GALNT17: variants seen among roughly 807,000 people sequenced by gnomAD.
GALNT17 encodes the protein UDP-GalNAc:polypeptide N-acetylgalactosaminyltransferase-like 3.
A neutral mutation model predicts 63.7 loss-of-function variants in GALNT17; 29 were observed. The ratio of observed to expected loss-of-function variants is 0.46; its 90% CI spans 0.34 to 0.62. The LOEUF (loss-of-function observed/expected upper bound fraction) is 0.62, where lower values mean the gene tolerates loss of function less well. Among genes scored for constraint, GALNT17 ranks in the 20% least tolerant of loss-of-function variants. The probability of loss-of-function intolerance (pLI) is 0.01; values close to 1 mark genes in which losing one functional copy is unlikely to be tolerated. For synonymous variants in GALNT17, 305 were observed against 318.3 expected (o/e 0.96, Z 0.45); for missense variants, 603 against 799.6 (o/e 0.75, Z 2.97).
At chr7:71,450,259 G>A (rs1318998324) in intron 5 of GALNT17, among the ~76,000 whole-genome samples, 1 of 150,978 alleles carries the variant, frequency 6.6e-6, no homozygotes, top group Admixed American at 6.6e-5. Flanking sequence ...CCTCAGCCTC[G>A]CGAGTAGTGG....
chr7:71,449,329 C>T (rs1402471579), intron 5 of GALNT17, among the ~76,000 whole-genome samples: 2 of 151,854 alleles, frequency 1.3e-5, no homozygotes, highest in African/African-American at 4.8e-5. Context: ...GTGTTGAACT[C>T]CTGACATCAA....
At chr7:71,195,315 A>G (rs77413167) in intron 1 of GALNT17, among the ~76,000 whole-genome samples, 3,071 of 152,216 alleles carry the variant, frequency 0.02, 35 homozygotes, top group Middle Eastern at 0.041. Context: ...TCCTGGCCTC[A>G]GGAGATCTTT....
At chr7:71,617,441 C>G (rs1399354417) in intron 6 of GALNT17, among the ~76,000 whole-genome samples, 1 of 151,642 alleles carries the variant, frequency 6.6e-6, no homozygotes, top group African/African-American at 2.4e-5. Flanking sequence ...CCTGCCTCAG[C>G]CTCCCGAGTA....
rs192606704 is a variant in GALNT17, at chr7:71,237,200, G to T, written c.239-98350G>T. Among the ~76,000 whole-genome samples, 173 of 152,264 alleles carry T rather than the reference G, an allele frequency of 1.1e-3. 1 individual carries two copies. The highest frequency in any genetic ancestry group is 3.9e-3 in the African/African-American group (161 of 41,540). On this transcript the variant is annotated intron_variant, in intron 1 of 10. Transcript: ENST00000333538. ...TTTGAAAAATAGCTTTATTGTCTCC[G>T]TATGTAATGCAAGTAGGCATTCCCC...
At chr7:71,571,508 A>G (rs1314631064) in intron 6 of GALNT17, 106 bp downstream of exon 6, 2 of 885,460 alleles carry the variant, frequency 2.3e-6, no homozygotes, top group Non-Finnish European at 3.7e-6. Context: ...GATGAATGAC[A>G]GATTCATTTA....
chr7:71,455,229 C>A (rs1250815356), intron 5 of GALNT17, among the ~76,000 whole-genome samples: 1 of 150,196 alleles, frequency 6.7e-6, no homozygotes, highest in Non-Finnish European at 1.5e-5. Flanking sequence ...AAGGGAGGGG[C>A]AGCAGTCAGA....
chr7:71,305,983 C>T (rs1002195646), intron 1 of GALNT17, among the ~76,000 whole-genome samples: 1 of 152,238 alleles, frequency 6.6e-6, no homozygotes, highest in Non-Finnish European at 1.5e-5. Flanking sequence ...CTTTGGGAGG[C>T]TGAGGCAGGC....
At chr7:71,575,698 T>A (rs28396820) in intron 6 of GALNT17, among the ~76,000 whole-genome samples, 1 of 152,062 alleles carries the variant, frequency 6.6e-6, no homozygotes, top group Non-Finnish European at 1.5e-5. Context: ...ATTTTTTTTT[T>A]AAACCAAGAA....
chr7:71,148,093 C>T (rs890284058), intron 1 of GALNT17, among the ~76,000 whole-genome samples: 13 of 152,152 alleles, frequency 8.5e-5, no homozygotes, highest in Admixed American at 1.3e-4. Context: ...TTGTCATGGC[C>T]AGCCCAGTAG....
At chr7:71,228,519 G>C (rs1010725585) in intron 1 of GALNT17, among the ~76,000 whole-genome samples, 8 of 152,158 alleles carry the variant, frequency 5.3e-5, no homozygotes, top group African/African-American at 1.9e-4. Flanking sequence ...ATACCACGGG[G>C]CTGAAATCAA....
intron 1 of GALNT17, among the ~76,000 whole-genome samples, chr7:71,270,027 T>C (rs2115688256): frequency 6.6e-6 from 1 of 152,306 alleles, no homozygotes; most frequent in South Asian, 2.1e-4. Context: ...CACATAGTAT[T>C]CATTTATAAA....
At chr7:71,473,920 C>T (rs1318420271) in intron 5 of GALNT17, among the ~76,000 whole-genome samples, 7 of 152,140 alleles carry the variant, frequency 4.6e-5, no homozygotes, top group South Asian at 2.1e-4. Context: ...AAAGTAAAAG[C>T]AAGTTTATTC....
At chr7:71,507,625 C>T (rs1412939405) in intron 5 of GALNT17, among the ~76,000 whole-genome samples, 1 of 152,190 alleles carries the variant, frequency 6.6e-6, no homozygotes, top group Non-Finnish European at 1.5e-5. Flanking sequence ...CTATAGACGC[C>T]ACTGGGCCCT....
intron 5 of GALNT17, among the ~76,000 whole-genome samples, chr7:71,439,149 A>C (rs1165914035): frequency 6.6e-6 from 1 of 152,114 alleles, no homozygotes; most frequent in East Asian, 1.9e-4. Flanking sequence ...TCGGCCTCCC[A>C]AAGTGCTGGG....
At chr7:71,559,745 C>G (rs971299348) in intron 5 of GALNT17, among the ~76,000 whole-genome samples, 2 of 151,808 alleles carry the variant, frequency 1.3e-5, no homozygotes, top group African/African-American at 2.4e-5. Flanking sequence ...CCTATAGTCC[C>G]AGCTATTTGA....
At chr7:71,575,718 T>A (rs1789526793) in intron 6 of GALNT17, among the ~76,000 whole-genome samples, 1 of 152,040 alleles carries the variant, frequency 6.6e-6, no homozygotes, top group South Asian at 2.1e-4. Context: ...AATGGCTCAA[T>A]CTGTGATCTT....
At chr7:71,629,691 C>T (rs1011203653) in intron 6 of GALNT17, among the ~76,000 whole-genome samples, 2 of 152,032 alleles carry the variant, frequency 1.3e-5, no homozygotes, top group Admixed American at 6.6e-5. Flanking sequence ...GCTATGCTGC[C>T]CATGCTAGTC....
intron 5 of GALNT17, among the ~76,000 whole-genome samples, chr7:71,526,820 G>A (rs1401521271): frequency 6.6e-6 from 1 of 152,046 alleles, no homozygotes; most frequent in African/African-American, 2.4e-5. Flanking sequence ...GGCCAATTAC[G>A]TGTGATTTAA....
At chr7:71,252,979 TGA>T (rs1293129867) in intron 1 of GALNT17, among the ~76,000 whole-genome samples, 1 of 152,234 alleles carries the variant, frequency 6.6e-6, no homozygotes, top group African/African-American at 2.4e-5. Flanking sequence ...TCCACTCATC[TGA>T]GCCATATGCC....
Sources: allele counts gnomAD v4.1 joint callset (sites outside exome capture counted in the v4.1 genomes callset), GRCh38; gene constraint gnomAD v4.1.1; transcripts MANE v1.5; gene names NCBI Gene and HGNC (gene_info 2026-07-23, HGNC 2026-07-21).